The following AIG1 variants were observed in gnomAD, a reference collection of about 807,000 sequenced individuals.
AIG1 encodes the protein androgen induced 1.
Under a neutral mutation model 31.4 loss-of-function variants are expected in AIG1, and 23 were observed. The ratio of observed to expected loss-of-function variants is 0.73; its 90% CI spans 0.53 to 1.04. The LOEUF (loss-of-function observed/expected upper bound fraction) is 1.04, where lower values mean the gene tolerates loss of function less well. Among genes scored for constraint, AIG1 ranks in the 50% least tolerant of loss-of-function variants. AIG1 has a pLI of 0.00. For missense variants in AIG1, 274 were observed against 295.0 expected (o/e 0.93, Z 0.52); for synonymous variants, 100 against 110.5 (o/e 0.90, Z 0.60).
At chr6:143,182,880 C>A (rs573600385) in intron 3 of AIG1, among the ~76,000 whole-genome samples, 40 of 152,336 alleles carry the variant, frequency 2.6e-4, no homozygotes, top group Non-Finnish European at 4.6e-4. Context: ...TCCTCCCCTT[C>A]ATAATAGTTG....
At chr6:143,259,126 A>G (rs923166842) in intron 3 of AIG1, among the ~76,000 whole-genome samples, 7 of 152,150 alleles carry the variant, frequency 4.6e-5, no homozygotes, top group Admixed American at 3.9e-4. Context: ...GCTTTCTGCC[A>G]TGAGTGAAGG....
chr6:143,208,557 G>A (rs1791311655), intron 3 of AIG1, among the ~76,000 whole-genome samples: 2 of 152,138 alleles, frequency 1.3e-5, no homozygotes, highest in Non-Finnish European at 2.9e-5. Flanking sequence ...GACATTTTAA[G>A]GAATGGAAGG....
At chr6:143,227,600 A>T (rs773541641) in intron 3 of AIG1, among the ~76,000 whole-genome samples, 7 of 152,212 alleles carry the variant, frequency 4.6e-5, no homozygotes, top group Non-Finnish European at 8.8e-5. Context: ...TCCTCCAAAT[A>T]TAGGCCAAAA....
chr6:143,085,236 G>A (rs943857460), intron 1 of AIG1, among the ~76,000 whole-genome samples: 13 of 152,106 alleles, frequency 8.5e-5, no homozygotes, highest in East Asian at 3.8e-4. Context: ...TGTGGAGAAC[G>A]TTTCCCATCT....
chr6:143,260,624 C>G (rs1032803935), intron 3 of AIG1, among the ~76,000 whole-genome samples: 3 of 152,192 alleles, frequency 2.0e-5, no homozygotes, highest in Non-Finnish European at 4.4e-5. Flanking sequence ...GAGCACTTAC[C>G]TTGTGCCAGG....
Position 143,339,804 on chromosome 6 carries a change from G to C in AIG1, c.*128G>C. ...CATCAGCACCCCCCTCCCCCAATGA[G>C]GACACCTTTTATATATAAATATGTA... On this transcript the variant is annotated 3_prime_UTR_variant, in exon 6 of 6. Transcript: ENST00000357847. 1.2e-6 allele frequency: 1 copy of C among 800,656 alleles called. No homozygotes were observed. Among genetic ancestry groups the C allele is most frequent in the Non-Finnish European group, 2.0e-6 (1 of 506,646 alleles). 49.6% of individuals were successfully genotyped at this position (800,656 alleles called of 1,614,324 possible). A position where few individuals can be genotyped will look rare whatever the true frequency, so the allele number is the denominator to read the frequency against.
In AIG1 at chr6:143,299,756, G is replaced by C. The variant is rs1347355591; in HGVS notation, c.515+15531G>C. Reference sequence around the variant, plus strand: ...CGCCACACATCAGCTCTGCTAAACTGCTTGTAGTTCCACGAACTCACCTCT... The same window carrying C: ...CGCCACACATCAGCTCTGCTAAACTCCTTGTAGTTCCACGAACTCACCTCT... On this transcript the variant is annotated intron_variant, in intron 4 of 5. Coordinates refer to ENST00000357847, the MANE Select transcript of AIG1 (RefSeq NM_016108.4). The surrounding 1 kb of genome is among the most constrained non-coding windows in gnomAD (Gnocchi z 4.1). 6.6e-6 allele frequency among the ~76,000 whole-genome samples: 1 copy of C among 152,144 alleles called. No homozygotes were observed. The highest frequency in any genetic ancestry group is 1.5e-5 in the Non-Finnish European group (1 of 68,036).
chr6:143,076,721 G>A (rs1447306422), intron 1 of AIG1, among the ~76,000 whole-genome samples: 1 of 147,664 alleles, frequency 6.8e-6, no homozygotes, highest in Admixed American at 6.8e-5. Context: ...TGCCCAGGGT[G>A]TAGTGCAGTG....
chr6:143,300,931 A>C (rs1798782660), intron 4 of AIG1, among the ~76,000 whole-genome samples: 1 of 152,094 alleles, frequency 6.6e-6, no homozygotes, highest in Non-Finnish European at 1.5e-5. Context: ...TTCACTTTTA[A>C]TAGTTTATTT....
intron 1 of AIG1, among the ~76,000 whole-genome samples, chr6:143,126,551 T>G (rs1782702806): frequency 6.6e-6 from 1 of 152,242 alleles, no homozygotes; most frequent in Admixed American, 6.5e-5. Context: ...TTGAAGATGG[T>G]GTTTTATAGA....
intron 1 of AIG1, among the ~76,000 whole-genome samples, chr6:143,097,653 C>A (rs1045668891): frequency 5.3e-5 from 8 of 152,154 alleles, no homozygotes; most frequent in African/African-American, 1.4e-4. Context: ...CACCTGTTTT[C>A]CTCTATCCTC....
At chr6:143,070,874 T>A (rs1022531515) in intron 1 of AIG1, among the ~76,000 whole-genome samples, 1 of 152,240 alleles carries the variant, frequency 6.6e-6, no homozygotes, top group Non-Finnish European at 1.5e-5. Context: ...TTATATTTAA[T>A]TGACATTTTA....
At position 143,340,654 on chromosome 6, in the gene AIG1, G is replaced by C. The variant is rs1392303214; in HGVS notation, c.*978G>C. The stretch of plus-strand genomic sequence containing the variant: ...ATTTTTTGTATTTTTAGTAGAGACG[G>C]GGTTTCACCTTGTTAGCCAGGATGG... On this transcript the variant is annotated 3_prime_UTR_variant, in exon 6 of 6. Transcript: ENST00000357847. 1.3e-5 allele frequency among the ~76,000 whole-genome samples: 2 copies of C among 151,882 alleles called. No individual in the cohort carries two copies. Among genetic ancestry groups the C allele is most frequent in the Non-Finnish European group, 2.9e-5 (2 of 67,984 alleles).
chr6:143,318,962 A>G (rs1037446017), intron 4 of AIG1, among the ~76,000 whole-genome samples: 5 of 152,186 alleles, frequency 3.3e-5, no homozygotes, highest in Non-Finnish European at 5.9e-5. Context: ...CCTTAATCAA[A>G]AAATAAAAAA....
downstream of AIG1, chr6:143,343,078 G>A: frequency 1.3e-6 from 1 of 778,674 alleles, no homozygotes; most frequent in Non-Finnish European, 2.4e-6. Flanking sequence ...TGCATCTCGC[G>A]CCATCATGAT....
intron 3 of AIG1, among the ~76,000 whole-genome samples, chr6:143,255,601 T>C (rs1412413975): frequency 2.6e-5 from 4 of 152,222 alleles, no homozygotes; most frequent in Admixed American, 1.3e-4. Context: ...CTTCACCATA[T>C]GAATTTTGGG....
At chr6:143,201,961 G>C (rs1483596057) in intron 3 of AIG1, among the ~76,000 whole-genome samples, 1 of 152,118 alleles carries the variant, frequency 6.6e-6, no homozygotes, top group East Asian at 1.9e-4. Flanking sequence ...CTCTGCTTGA[G>C]TATTTGCTTT....
In AIG1 at chr6:143,256,417, A is replaced by G. The variant is rs1268278711; in HGVS notation, c.400-27693A>G. Reference sequence around the variant, plus strand: ...TCATAGGCTGGTTTCTGGGGCTACAACTTTTACTGTACATTATGCTACTGA... The same window carrying G: ...TCATAGGCTGGTTTCTGGGGCTACAGCTTTTACTGTACATTATGCTACTGA... On this transcript the variant is annotated intron_variant, in intron 3 of 5. Coordinates refer to ENST00000357847, the MANE Select transcript of AIG1 (RefSeq NM_016108.4). This position sits in a 1 kb window ranked among gnomAD's most constrained non-coding sequence, Gnocchi z 4.6. 6.6e-6 allele frequency among the ~76,000 whole-genome samples: 1 copy of G among 152,180 alleles called. No individual in the cohort carries two copies. The highest frequency in any genetic ancestry group is 1.9e-4 in the East Asian group (1 of 5,200).
intron 1 of AIG1, among the ~76,000 whole-genome samples, chr6:143,111,527 G>C (rs141743812): frequency 6.6e-6 from 1 of 152,140 alleles, no homozygotes; most frequent in Non-Finnish European, 1.5e-5. Flanking sequence ...CTTCTTCATT[G>C]TGAATTCTCA....
Sources: allele counts gnomAD v4.1 joint callset (sites outside exome capture counted in the v4.1 genomes callset), GRCh38; gene constraint gnomAD v4.1.1; non-coding constraint Gnocchi (gnomAD v3.1); transcripts MANE v1.5; gene names NCBI Gene and HGNC (gene_info 2026-07-23, HGNC 2026-07-21).